Variants in DNAAF11 observed in about 807,000 individuals in gnomAD.
DNAAF11 encodes the protein dynein axonemal assembly factor 11, also known as leucine rich repeat containing 6.
Under a neutral mutation model 60.8 loss-of-function variants are expected in DNAAF11, and 45 were observed. The observed-to-expected ratio is 0.74, with a 90% CI of 0.58 to 0.95. The LOEUF is 0.95. Among genes scored for constraint, DNAAF11 ranks in the 40% least tolerant of loss-of-function variants. The pLI, the probability that DNAAF11 is intolerant of heterozygous loss-of-function variation, is 0.00. For missense variants in DNAAF11, 546 were observed against 546.2 expected (o/e 1.00, Z 0.00); for synonymous variants, 191 against 183.5 (o/e 1.04, Z -0.33).
the DNAAF11 span, among the ~76,000 whole-genome samples, chr8:132,701,492 C>A: frequency 6.6e-6 from 1 of 152,062 alleles, no homozygotes; most frequent in Non-Finnish European, 1.5e-5. Context: ...GTTATTCAGG[C>A]AGAGGTGGGA....
At chr8:132,577,283 C>T (rs1412144814) in intron 11 of DNAAF11, among the ~76,000 whole-genome samples, 1 of 152,188 alleles carries the variant, frequency 6.6e-6, no homozygotes, top group African/African-American at 2.4e-5. Context: ...AGATGCTAAC[C>T]TGGGGTCTTA....
intron 3 of DNAAF11, among the ~76,000 whole-genome samples, chr8:132,654,785 T>C (rs951892096): frequency 6.6e-6 from 1 of 151,496 alleles, no homozygotes; most frequent in Non-Finnish European, 1.5e-5. Context: ...GTAATGCTCA[T>C]AGGAAAATTC....
chr8:132,576,722 C>T (rs1342744506), intron 11 of DNAAF11, among the ~76,000 whole-genome samples: 1 of 152,136 alleles, frequency 6.6e-6, no homozygotes, highest in Non-Finnish European at 1.5e-5. Context: ...TGCAAATATT[C>T]CACAATCTGA....
chr8:132,635,109 A>G (rs1270336446), intron 4 of DNAAF11, among the ~76,000 whole-genome samples: 2 of 152,202 alleles, frequency 1.3e-5, no homozygotes, highest in Non-Finnish European at 2.9e-5. Context: ...ACTGTACCCC[A>G]GCACCTATTC....
upstream of DNAAF11, among the ~76,000 whole-genome samples, chr8:132,676,697 A>T (rs1825771983): frequency 6.6e-6 from 1 of 152,176 alleles, no homozygotes; most frequent in Admixed American, 6.5e-5. Context: ...TAACAGAGTG[A>T]GGTGATGGGG....
intron 6 of DNAAF11, among the ~76,000 whole-genome samples, chr8:132,623,775 T>C (rs1367760273): frequency 1.3e-5 from 2 of 152,144 alleles, no homozygotes; most frequent in Non-Finnish European, 2.9e-5. Context: ...GGCCTCCAGA[T>C]CCAATGGAGT....
chr8:132,650,864 T>G (rs1822940533), intron 3 of DNAAF11, among the ~76,000 whole-genome samples: 1 of 152,344 alleles, frequency 6.6e-6, no homozygotes, highest in East Asian at 1.9e-4. Flanking sequence ...ATGTCATATA[T>G]CTTTGGATGT....
intron 10 of DNAAF11, among the ~76,000 whole-genome samples, chr8:132,597,944 A>C (rs1343246796): frequency 6.6e-6 from 1 of 152,222 alleles, no homozygotes; most frequent in Non-Finnish European, 1.5e-5. Flanking sequence ...GAGTAGAAAT[A>C]TTGGGAACAA....
At chr8:132,582,626 G>A (rs768801349) in intron 11 of DNAAF11, among the ~76,000 whole-genome samples, 64 of 152,056 alleles carry the variant, frequency 4.2e-4, no homozygotes, top group Non-Finnish European at 5.6e-4. Flanking sequence ...CCCATTTTTC[G>A]GTAGGAATTC....
intron 1 of DNAAF11, among the ~76,000 whole-genome samples, chr8:132,664,126 T>C (rs1293756752): frequency 3.3e-5 from 5 of 152,264 alleles, no homozygotes; most frequent in East Asian, 3.8e-4. Context: ...ACTTGATACA[T>C]AGGCCTTTAC....
chr8:132,639,793 A>G (rs1189084502), intron 3 of DNAAF11, among the ~76,000 whole-genome samples: 1 of 152,088 alleles, frequency 6.6e-6, no homozygotes, highest in Non-Finnish European at 1.5e-5. Flanking sequence ...ATCCACCCAT[A>G]TAGGAGTTAC....
chr8:132,675,547 C>T (rs547716141), upstream of DNAAF11: 1 of 1,540,380 alleles, frequency 6.5e-7, no homozygotes, highest in Non-Finnish European at 8.8e-7. Flanking sequence ...TCGAATGACG[C>T]TTTTCACCCT....
At chr8:132,693,651 T>C in the DNAAF11 span, among the ~76,000 whole-genome samples, 6 of 151,994 alleles carry the variant, frequency 3.9e-5, no homozygotes, top group South Asian at 1.0e-3. Flanking sequence ...TACTAAGTGC[T>C]ATTGGGGTGG....
Position 132,637,930 on chromosome 8 carries a change from C to G in DNAAF11, c.429+5G>C. ...GTGATTTCTGCACCATTAAAAGAAC[C>G]ATACCTTTAATTGTGGAAGAGTTGC... On this transcript the variant is annotated splice_donor_5th_base_variant and intron_variant, in intron 4 of 11. Transcript: ENST00000620350. 6.3e-7 allele frequency: 1 copy of G among 1,599,064 alleles called. No homozygotes were observed. Among genetic ancestry groups the G allele is most frequent in the Non-Finnish European group, 8.5e-7 (1 of 1,172,514 alleles).
intron 1 of DNAAF11, among the ~76,000 whole-genome samples, chr8:132,674,212 A>C (rs1450294995): frequency 1.3e-5 from 2 of 150,778 alleles, no homozygotes; most frequent in African/African-American, 4.9e-5. Flanking sequence ...GAGGAGAAGG[A>C]GGAGGAGGAG....
At chr8:132,600,194 ACCTAGGAAT>A (rs1382693159) in intron 10 of DNAAF11, among the ~76,000 whole-genome samples, 1 of 152,186 alleles carries the variant, frequency 6.6e-6, no homozygotes, top group African/African-American at 2.4e-5. Context: ...AGAATAAAAT[ACCTAGGAAT>A]CCAACTTACA....
intron 4 of DNAAF11, 139 bp from the exon 5 acceptor site, chr8:132,633,102 G>A: frequency 3.4e-6 from 2 of 587,902 alleles, no homozygotes; most frequent in Non-Finnish European, 5.9e-6. Context: ...GGAAATATCA[G>A]AACATTGTTC....
intron 6 of DNAAF11, among the ~76,000 whole-genome samples, chr8:132,625,038 T>A (rs373955601): frequency 1.1e-4 from 17 of 152,268 alleles, no homozygotes; most frequent in Middle Eastern, 3.4e-3. Context: ...AAGCTAAAGA[T>A]ATACAAACAA....
chr8:132,695,514 G>C, the DNAAF11 span, among the ~76,000 whole-genome samples: 1 of 152,172 alleles, frequency 6.6e-6, no homozygotes, highest in Non-Finnish European at 1.5e-5. Flanking sequence ...GCAATAGCTA[G>C]CTGTATCTTC....
Sources: allele counts gnomAD v4.1 joint callset (sites outside exome capture counted in the v4.1 genomes callset), GRCh38; gene constraint gnomAD v4.1.1; transcripts MANE v1.5; gene names NCBI Gene and HGNC (gene_info 2026-07-23, HGNC 2026-07-21).